RARS2: variants seen among roughly 807,000 people sequenced by gnomAD.
RARS2 encodes probable arginine--tRNA ligase, mitochondrial.
Under a neutral mutation model 88.5 loss-of-function variants are expected in RARS2, and 67 were observed. The ratio of observed to expected loss-of-function variants is 0.76; its 90% CI spans 0.62 to 0.93. The LOEUF is 0.93. Among genes scored for constraint, RARS2 ranks in the 40% least tolerant of loss-of-function variants. The pLI is 0.00. For missense variants in RARS2, 664 were observed against 684.2 expected (o/e 0.97, Z 0.33); for synonymous variants, 239 against 230.3 (o/e 1.04, Z -0.34).
intron 4 of RARS2, among the ~76,000 whole-genome samples, chr6:87,555,968 C>T (rs942158106): frequency 1.3e-5 from 2 of 152,138 alleles, no homozygotes; most frequent in African/African-American, 4.8e-5. Context: ...ACTATTTTAA[C>T]AAAGAAAGAA....
intron 8 of RARS2, 21 bp downstream of exon 8, chr6:87,541,897 A>C (rs370515391): frequency 4.8e-4 from 764 of 1,593,528 alleles, no homozygotes; most frequent in Non-Finnish European, 6.4e-4. Context: ...AAATTTTTGA[A>C]ATGTTTTCTT....
At chr6:87,554,484 G>A (rs1458717969) in intron 5 of RARS2, among the ~76,000 whole-genome samples, 8 of 152,044 alleles carry the variant, frequency 5.3e-5, no homozygotes, top group African/African-American at 1.9e-4. Context: ...TTGACACAGG[G>A]TCTTGGTGTG....
intron 6 of RARS2, among the ~76,000 whole-genome samples, chr6:87,546,052 G>T (rs1040104850): frequency 2.6e-5 from 4 of 151,590 alleles, no homozygotes; most frequent in Non-Finnish European, 5.9e-5. Flanking sequence ...ATTTGTCTGT[G>T]CCCTAAGAAC....
Position 87,515,007 on chromosome 6 carries a change from C to T in RARS2, c.1600G>A (p.Val534Met). The T allele has an allele frequency of 1.9e-6, 3 of 1,613,194 alleles. No individual in the cohort carries two copies. The South Asian group carries it at 3.3e-5, about 18-fold the overall frequency. ...YLLTLSHLAAVAHKTLQIKDS... is the reference protein window; with the variant it reads ...YLLTLSHLAAMAHKTLQIKDS... ...TTTATTTGTAGTGTTTTGTGTGCCACAGCTGCAAGATGACTGAAACAGGAA... is the reference window on the plus strand; with the variant it reads ...TTTATTTGTAGTGTTTTGTGTGCCATAGCTGCAAGATGACTGAAACAGGAA... The change falls in exon 19 of 20, where the codon GTG becomes ATG. Residue 534 changes from valine to methionine, a missense_variant. Val to Met is a conservative substitution (Grantham distance 21, BLOSUM62 1). Coordinates refer to ENST00000369536, the MANE Select transcript of RARS2 (RefSeq NM_020320.5).
At chr6:87,545,757 A>C in intron 6 of RARS2, 58 bp from the exon 7 acceptor site, 1 of 1,569,402 alleles carries the variant, frequency 6.4e-7, no homozygotes, top group Non-Finnish European at 8.7e-7. Context: ...TTGACATAAG[A>C]ACCATGTACT....
chr6:87,538,854 GGA>G (rs1414147590), intron 8 of RARS2, among the ~76,000 whole-genome samples: 2 of 151,868 alleles, frequency 1.3e-5, no homozygotes, highest in Non-Finnish European at 2.9e-5. Context: ...GGCAACATAG[GGA>G]GACCCTGTCT....
At chr6:87,528,657 T>A (rs1776514344) in intron 10 of RARS2, among the ~76,000 whole-genome samples, 1 of 152,208 alleles carries the variant, frequency 6.6e-6, no homozygotes, top group African/African-American at 2.4e-5. Context: ...AAATACTGTA[T>A]AGTCTCACAT....
chr6:87,564,073 C>CTTT, intron 3 of RARS2, 57 bp downstream of exon 3: 2 of 1,377,212 alleles, frequency 1.5e-6, no homozygotes, highest in Non-Finnish European at 2.1e-6. Context: ...CTGCAAAGTA[C>CTTT]TTTTTTTAAT....
chr6:87,556,705 T>C (rs1261722627), intron 4 of RARS2, among the ~76,000 whole-genome samples: 1 of 149,296 alleles, frequency 6.7e-6, no homozygotes, highest in Non-Finnish European at 1.5e-5. Context: ...GACAGGAGAA[T>C]TGCTTGAACC....
chr6:87,582,060 T>C (rs1773666144), intron 1 of RARS2, among the ~76,000 whole-genome samples: 1 of 152,228 alleles, frequency 6.6e-6, no homozygotes, highest in Non-Finnish European at 1.5e-5. Context: ...AGTGCTGCAG[T>C]GAACATCCAC....
In RARS2 at chr6:87,541,956, C is replaced by T; in HGVS notation, c.574G>A (p.Glu192Lys). Residue 192 changes from glutamate to lysine, a missense_variant, in exon 8 of 20, where the codon GAA (glutamate) becomes AAA (lysine). Glu to Lys is a moderately conservative substitution (Grantham distance 56). Coordinates refer to ENST00000369536, the MANE Select transcript of RARS2 (RefSeq NM_020320.5). ...TGTAGAGGATTGGACTGCAGTTTTT[C>T]CTCATAGCCAAACAGCTGGAAGCCA... ...GTGFQLFGYE[E>K]KLQSNPLQHL... 1 of 1,613,718 alleles carries T rather than the reference C, an allele frequency of 6.2e-7. No homozygotes were observed. The highest frequency in any genetic ancestry group is 8.5e-7 in the Non-Finnish European group (1 of 1,179,774).
chr6:87,532,747 C>CG (rs1173682604), intron 8 of RARS2, among the ~76,000 whole-genome samples: 1 of 152,032 alleles, frequency 6.6e-6, no homozygotes, highest in Admixed American at 6.6e-5. Flanking sequence ...ATCACAGAAT[C>CG]GGGGGGAGGA....
At chr6:87,548,200 G>A (rs976001187) in intron 6 of RARS2, among the ~76,000 whole-genome samples, 11 of 152,050 alleles carry the variant, frequency 7.2e-5, no homozygotes, top group East Asian at 3.9e-4. Context: ...CCAAGATTGC[G>A]CCACTGCACT....
At chr6:87,549,424 G>C (rs1467678035) in intron 5 of RARS2, among the ~76,000 whole-genome samples, 5 of 151,770 alleles carry the variant, frequency 3.3e-5, no homozygotes, top group African/African-American at 7.3e-5. Flanking sequence ...GGTGGTGCAT[G>C]CTTGTAGTCC....
chr6:87,555,730 T>C (rs1184717454), intron 4 of RARS2, among the ~76,000 whole-genome samples: 1 of 152,206 alleles, frequency 6.6e-6, no homozygotes, highest in Admixed American at 6.5e-5. Flanking sequence ...CCTTTTATAC[T>C]CCATGTCTAT....
intron 13 of RARS2, 132 bp from the exon 14 acceptor site, chr6:87,519,839 G>C (rs1367435604): frequency 9.2e-7 from 1 of 1,083,724 alleles, no homozygotes; most frequent in African/African-American, 1.6e-5. Flanking sequence ...AAATGAAATT[G>C]ATGTGATTTG....
Position 87,519,858 on chromosome 6 carries a change from A to T in RARS2, c.1113-151T>A, listed in dbSNP as rs1482289200. The T allele has an allele frequency of 1.4e-5, 13 of 933,082 alleles. No homozygotes were observed. In the South Asian group the frequency reaches 1.5e-4, roughly 10 times the overall value. 57.8% of individuals were successfully genotyped at this position (933,082 alleles called of 1,614,324 possible). ...GAAATTGATGTGATTTGTATGCTAC[A>T]AAGGACGTTAAGCACAGCTTCACTT... On this transcript the variant is annotated intron_variant, in intron 13 of 19. Transcript: ENST00000369536.
chr6:87,520,321 A>C, intron 12 of RARS2, 65 bp from the exon 13 acceptor site: 1 of 1,288,178 alleles, frequency 7.8e-7, no homozygotes, highest in South Asian at 1.2e-5. Flanking sequence ...AATAGGTTGG[A>C]CTTGAATCAA....
rs188261177 is a variant in RARS2, at chr6:87,534,076, G to C, written c.613-3134C>G. On this transcript the variant is annotated intron_variant, in intron 8 of 19. Transcript: ENST00000369536. ...GTAAAAATATTCATGATTATAATTT[G>C]AACAACTTCATTATGTTTAATGCTG... Among the ~76,000 whole-genome samples the C allele has an allele frequency of 1.4e-3, 208 of 148,780 alleles. 1 individual carries two copies. The highest frequency in any genetic ancestry group is 2.0e-3 in the Non-Finnish European group (132 of 67,266).
Sources: allele counts gnomAD v4.1 joint callset (sites outside exome capture counted in the v4.1 genomes callset), GRCh38; gene constraint gnomAD v4.1.1; transcripts MANE v1.5; gene names NCBI Gene and HGNC (gene_info 2026-07-23, HGNC 2026-07-21).